CAPN3: variants seen among roughly 807,000 people sequenced by gnomAD.
The protein encoded by CAPN3 is calpain 3.
Under a neutral mutation model 114.0 loss-of-function variants are expected in CAPN3, and 88 were observed. That is an observed-to-expected ratio of 0.77 (90% CI 0.65 to 0.92). The LOEUF (loss-of-function observed/expected upper bound fraction) is 0.92, where lower values mean the gene tolerates loss of function less well. Ranked by LOEUF, CAPN3 falls within the 40% of genes least tolerant of loss-of-function variation. CAPN3 has a pLI of 0.00. For missense variants in CAPN3, 1,028 were observed against 1,069.0 expected, an observed-to-expected ratio of 0.96 and a Z score of 0.53; for synonymous variants, 386 against 382.9, an observed-to-expected ratio of 1.01 and a Z score of -0.09.
chr15:42,362,176 G>A (rs928673204), intron 1 of CAPN3, among the ~76,000 whole-genome samples: 5 of 152,212 alleles, frequency 3.3e-5, no homozygotes, highest in Admixed American at 1.3e-4. Context: ...CACTTTGGGA[G>A]GCAGAGGTGG....
At chr15:42,391,964 G>A (rs994802966) in intron 6 of CAPN3, among the ~76,000 whole-genome samples, 1 of 152,104 alleles carries the variant, frequency 6.6e-6, no homozygotes, top group Non-Finnish European at 1.5e-5. Context: ...AGGAGTTCGA[G>A]ACCAGCCTGG....
chr15:42,388,788 C>A (rs1481825710), intron 4 of CAPN3, 140 bp from the exon 5 acceptor site: 2 of 800,862 alleles, frequency 2.5e-6, no homozygotes, highest in Non-Finnish European at 4.5e-6. Context: ...TTGTTTCCAT[C>A]CCATGAGCTC....
In CAPN3 at chr15:42,359,965, A is replaced by G. The variant is rs2052596155; in HGVS notation, c.160A>G (p.Ile54Val). 1 of 1,614,220 alleles carries G rather than the reference A, an allele frequency of 6.2e-7. No homozygotes were observed. Among genetic ancestry groups the G allele is most frequent in the Non-Finnish European group, 8.5e-7 (1 of 1,180,028 alleles). The change falls in exon 1 of 24, where the codon ATC becomes GTC. Residue 54 changes from isoleucine (I) to valine (V), a missense_variant. Transcript: ENST00000397163. ...CATCATCAGCCGCAATTTTCCTATT[A>G]TCGGAGTGAAAGAGAAGACATTCGA... is the stretch of plus-strand genomic sequence containing the variant. ...SAIISRNFPI[I>V]GVKEKTFEQL...
In CAPN3 at chr15:42,410,431, G is replaced by T; in HGVS notation, c.2119G>T (p.Asp707Tyr). The T allele has an allele frequency of 6.2e-7, 1 of 1,614,104 alleles. No homozygotes were observed. Among genetic ancestry groups the T allele is most frequent in the Non-Finnish European group, 8.5e-7 (1 of 1,179,976 alleles). The change falls in exon 20 of 24, where the codon GAT (aspartate) becomes TAT (tyrosine). Residue 707 changes from aspartate to tyrosine, a missense_variant. Transcript: ENST00000397163. ...AGCCCTGACCTCCCTCCTCCAGACA[G>T]ATGGCTCTGGAAAGCTCAACCTGCA... ...CRSMIALMDTDGSGKLNLQEF... is the reference protein window; with the variant it reads ...CRSMIALMDTYGSGKLNLQEF...
At chr15:42,366,938 A>G (rs755128286) in intron 1 of CAPN3, among the ~76,000 whole-genome samples, 17 of 150,188 alleles carry the variant, frequency 1.1e-4, no homozygotes, top group Non-Finnish European at 2.4e-4. Flanking sequence ...GGTTCAACCA[A>G]TCCTCCCACC....
chr15:42,405,966 T>C (rs2054008239), intron 15 of CAPN3, 23 bp downstream of exon 15: 1 of 1,605,476 alleles, frequency 6.2e-7, no homozygotes, highest in Admixed American at 1.7e-5. Flanking sequence ...GTAGAGAGCA[T>C]GAAGTGTGTG....
chr15:42,390,303 A>C (rs538972729), intron 6 of CAPN3, among the ~76,000 whole-genome samples: 2 of 152,348 alleles, frequency 1.3e-5, no homozygotes, highest in African/African-American at 4.8e-5. Context: ...TCTCTGCTGG[A>C]GTTTCTGCAT....
At position 42,379,920 on chromosome 15, in the gene CAPN3, C is replaced by T. The variant is rs532385646; in HGVS notation, c.310-4563C>T. On this transcript the variant is annotated intron_variant, in intron 1 of 23. Coordinates refer to ENST00000397163, the MANE Select transcript of CAPN3 (RefSeq NM_000070.3). The stretch of plus-strand genomic sequence containing the variant: ...TCACCTGAGGTCAGGAGTTTGAGAC[C>T]AGCCTGGCCAACATGGTGAAACCCC... Among the ~76,000 whole-genome samples, 12 of 152,278 alleles carry T rather than the reference C, an allele frequency of 7.9e-5. No individual in the cohort carries two copies. In the East Asian group the frequency reaches 1.9e-3, roughly 24 times the overall value.
At chr15:42,365,708 C>G (rs1198119133) in intron 1 of CAPN3, among the ~76,000 whole-genome samples, 1 of 152,176 alleles carries the variant, frequency 6.6e-6, no homozygotes, top group Non-Finnish European at 1.5e-5. Flanking sequence ...GTTTGCCTTT[C>G]TTCCTGCCAG....
chr15:42,387,505 A>G (rs1405570587), intron 3 of CAPN3, among the ~76,000 whole-genome samples: 4 of 152,196 alleles, frequency 2.6e-5, no homozygotes, highest in African/African-American at 9.7e-5. Context: ...TCTACCCATT[A>G]CTGGGCTGGA....
At chr15:42,360,383 T>C (rs985796784) in intron 1 of CAPN3, among the ~76,000 whole-genome samples, 55 of 149,486 alleles carry the variant, frequency 3.7e-4, no homozygotes, top group African/African-American at 1.4e-3. Flanking sequence ...AAAAAAAAAA[T>C]CTTGCTTTTT....
At chr15:42,397,070 C>T (rs1244049239) in intron 9 of CAPN3, among the ~76,000 whole-genome samples, 193 bp downstream of exon 9, 2 of 152,206 alleles carry the variant, frequency 1.3e-5, no homozygotes, top group Admixed American at 6.5e-5. Flanking sequence ...CAACTGAGCC[C>T]AGGACCAGGC....
rs148851444 is a variant in CAPN3 at position 42,410,620 on chromosome 15, C to A, written c.2217C>A (p.Ser739=). The A allele has an allele frequency of 1.2e-5, 20 of 1,613,816 alleles. No individual in the cohort carries two copies. Among genetic ancestry groups the A allele is most frequent in the Non-Finnish European group, 1.6e-5 (19 of 1,179,960 alleles). The change falls in exon 21 of 24, where the codon TCC becomes TCA. Residue 739 remains serine (S), a synonymous_variant. Coordinates refer to ENST00000397163, the MANE Select transcript of CAPN3 (RefSeq NM_000070.3). ...KIFKHYDTDQ[S]GTINSYEMRN... Reference sequence around the variant, plus strand: ...TCAAACACTATGACACAGACCAGTCCGGCACCATCAACAGCTACGAGATGC... The same window carrying A: ...TCAAACACTATGACACAGACCAGTCAGGCACCATCAACAGCTACGAGATGC...
intron 15 of CAPN3, among the ~76,000 whole-genome samples, chr15:42,407,949 C>T (rs778622275): frequency 1.3e-5 from 2 of 152,134 alleles, no homozygotes; most frequent in Non-Finnish European, 2.9e-5. Context: ...GATCATGCTG[C>T]TTTTAGCATT....
intron 12 of CAPN3, 43 bp from the exon 13 acceptor site, chr15:42,402,751 C>T: frequency 6.2e-7 from 1 of 1,602,796 alleles, no homozygotes; most frequent in African/African-American, 1.3e-5. Flanking sequence ...CAGGATGTTC[C>T]TCCCGAGGGG....
At chr15:42,398,346 A>C (rs2053760068) in intron 9 of CAPN3, among the ~76,000 whole-genome samples, 1 of 151,992 alleles carries the variant, frequency 6.6e-6, no homozygotes, top group African/African-American at 2.4e-5. Context: ...GCACCTTGGG[A>C]GGCTGAGGCG....
chr15:42,397,549 C>T (rs1056249022), intron 9 of CAPN3, among the ~76,000 whole-genome samples: 11 of 151,316 alleles, frequency 7.3e-5, no homozygotes, highest in Non-Finnish European at 1.3e-4. Context: ...GAGGCTGAGG[C>T]AGGAGAATCA....
intron 1 of CAPN3, among the ~76,000 whole-genome samples, chr15:42,375,483 T>C (rs2053066717): frequency 6.6e-6 from 1 of 151,770 alleles, no homozygotes. Flanking sequence ...AAGGCCCTTC[T>C]TCCTGCTTGG....
In CAPN3 at chr15:42,386,248, G is replaced by C. The variant is rs1177741110; in HGVS notation, c.461G>C (p.Ser154Thr). The C allele has an allele frequency of 1.9e-6, 3 of 1,614,080 alleles. No individual in the cohort carries two copies. The highest frequency in any genetic ancestry group is 2.5e-6 in the Non-Finnish European group (3 of 1,179,946). ...TTCCGAGTCATACCCCATGATCAAA[G>C]TTTCATCGAAAACTACGCAGGGATC... Reference protein sequence around the residue: ...LLFRVIPHDQSFIENYAGIFH... With the variant: ...LLFRVIPHDQTFIENYAGIFH... The change falls in exon 3 of 24, where the codon AGT becomes ACT. Residue 154 changes from serine to threonine, a missense_variant. Ser to Thr is a moderately conservative substitution (Grantham distance 58). Transcript: ENST00000397163.
Sources: gnomAD v4.1 joint callset for allele counts (sites outside exome capture counted in the v4.1 genomes callset) on GRCh38, gnomAD v4.1.1 for gene constraint, MANE v1.5 for transcripts, NCBI Gene and HGNC (gene_info 2026-07-23, HGNC 2026-07-21) for gene names.